The following MYO18B variants were observed in gnomAD, a reference collection of about 807,000 sequenced individuals.
The protein encoded by MYO18B is unconventional myosin-XVIIIb.
In MYO18B, 204 loss-of-function variants were observed where a neutral mutation model predicts 273.0. That is an observed-to-expected ratio of 0.75 (90% CI 0.67 to 0.84). The LOEUF (loss-of-function observed/expected upper bound fraction) is 0.84, where lower values mean the gene tolerates loss of function less well. Among genes scored for constraint, MYO18B ranks in the 40% least tolerant of loss-of-function variants. The pLI, the probability that MYO18B is intolerant of heterozygous loss-of-function variation, is 0.00. For missense variants in MYO18B, 3,212 were observed against 3,287.6 expected, an observed-to-expected ratio of 0.98 and a Z score of 0.56; for synonymous variants, 1,330 against 1,305.7, an observed-to-expected ratio of 1.02 and a Z score of -0.40.
chr22:25,948,843 G>A (rs1302590481), intron 36 of MYO18B, among the ~76,000 whole-genome samples: 1 of 152,034 alleles, frequency 6.6e-6, no homozygotes, highest in African/African-American at 2.4e-5. Context: ...GACCTAGGTT[G>A]GGAGTCAGGA....
chr22:26,025,140 C>T (rs1936142269), intron 42 of MYO18B, among the ~76,000 whole-genome samples: 1 of 152,144 alleles, frequency 6.6e-6, no homozygotes, highest in South Asian at 2.1e-4. Flanking sequence ...TCGGGGGAGA[C>T]AAACATTGAA....
At chr22:25,886,011 A>G (rs999407231) in intron 25 of MYO18B, among the ~76,000 whole-genome samples, 1 of 152,222 alleles carries the variant, frequency 6.6e-6, no homozygotes, top group Non-Finnish European at 1.5e-5. Context: ...ACCCGTATTC[A>G]TTGAGTCCTC....
At chr22:26,005,004 A>G in intron 42 of MYO18B, 149 bp downstream of exon 42, 1 of 935,070 alleles carries the variant, frequency 1.1e-6, no homozygotes, top group Non-Finnish European at 1.6e-6. Context: ...GCCACTTCCT[A>G]GCTGTGTGAC....
chr22:25,767,629 T>C (rs905552959), intron 3 of MYO18B, among the ~76,000 whole-genome samples: 1 of 152,198 alleles, frequency 6.6e-6, no homozygotes, highest in Non-Finnish European at 1.5e-5. Context: ...CCCTGAGTCC[T>C]TTCCTGGATC....
rs367814667 is a variant in MYO18B at position 25,760,918 on chromosome 22, A to T, written c.-109-66A>T. On this transcript the variant is annotated intron_variant, in intron 1 of 43. Transcript: ENST00000335473. ...GGTTTATGGCGTTGGTGGGGGTGGG[A>T]GTAGGGCTGTGCCCATGAGCTAACC... 192 of 693,760 alleles carry T rather than the reference A, an allele frequency of 2.8e-4. No individual in the cohort carries two copies. In the African/African-American group the frequency reaches 3.1e-3, roughly 11 times the overall value. The allele number at this position is 693,760 out of a possible 1,614,324, so 43.0% of individuals were successfully genotyped here.
intron 41 of MYO18B, among the ~76,000 whole-genome samples, chr22:26,004,410 C>T (rs907967432): frequency 1.3e-5 from 2 of 152,166 alleles, no homozygotes; most frequent in Non-Finnish European, 2.9e-5. Flanking sequence ...GAGTGTGTAT[C>T]TCCCCAAGGA....
intron 42 of MYO18B, among the ~76,000 whole-genome samples, chr22:26,009,493 G>T (rs1934710006): frequency 3.3e-5 from 5 of 152,092 alleles, no homozygotes; most frequent in Admixed American, 3.3e-4. Context: ...GTTGTTAATA[G>T]GTACCATCTT....
intron 35 of MYO18B, among the ~76,000 whole-genome samples, chr22:25,947,460 G>C (rs1285045486): frequency 7.7e-6 from 1 of 129,406 alleles, no homozygotes; most frequent in African/African-American, 2.9e-5. Flanking sequence ...CATACACCCT[G>C]AATTCATAGT....
chr22:25,939,916 G>T (rs1239498024), intron 34 of MYO18B, among the ~76,000 whole-genome samples: 2 of 152,158 alleles, frequency 1.3e-5, no homozygotes, highest in Non-Finnish European at 2.9e-5. Flanking sequence ...CAACAGGAAT[G>T]GTTGTTGACC....
the MYO18B span, among the ~76,000 whole-genome samples, chr22:26,051,307 T>A: frequency 7.3e-6 from 1 of 137,402 alleles, no homozygotes; most frequent in Admixed American, 8.2e-5. Flanking sequence ...CACCGCAAGC[T>A]CCACCTCCCG....
intron 42 of MYO18B, among the ~76,000 whole-genome samples, chr22:26,011,537 G>A (rs1243520626): frequency 4.6e-5 from 7 of 152,220 alleles, no homozygotes; most frequent in African/African-American, 1.7e-4. Context: ...TGAACTACAG[G>A]AATGGGCAAG....
At chr22:25,792,537 C>A (rs2087724448) in intron 11 of MYO18B, among the ~76,000 whole-genome samples, 1 of 125,240 alleles carries the variant, frequency 8.0e-6, no homozygotes, top group African/African-American at 3.0e-5. Context: ...GCTCTGTGCC[C>A]AGGCTGGAGT....
At position 25,823,935 on chromosome 22, in the gene MYO18B, C is replaced by T. The variant is rs918177806; in HGVS notation, c.2695+257C>T. Among the ~76,000 whole-genome samples, 16 of 152,254 alleles carry T rather than the reference C, an allele frequency of 1.1e-4. No homozygotes were observed. The South Asian group carries it at 2.5e-3, about 24-fold the overall frequency. On this transcript the variant is annotated intron_variant, in intron 13 of 43. Transcript: ENST00000335473. ...GCCCCGCGCTGTGGGGAGGGGATGC[C>T]GTGGGCAGGGCCGATGGACCAATGC...
rs776608247 is a variant in MYO18B, at chr22:25,952,331, G to A, written c.5878G>A (p.Val1960Met). The A allele has an allele frequency of 2.4e-5, 39 of 1,611,866 alleles. No individual in the cohort carries two copies. The East Asian group carries it at 3.3e-4, about 14-fold the overall frequency. The change falls in exon 38 of 44, where the codon GTG becomes ATG. Residue 1960 changes from valine to methionine, a missense_variant. Physicochemically the swap from Val to Met is conservative, Grantham distance 21 (BLOSUM62 1). Transcript: ENST00000335473. Reference protein sequence around the residue: ...MRIEYLEQSTVDRAIVSRQEA... With the variant: ...MRIEYLEQSTMDRAIVSRQEA... ...CATCGAGTACCTGGAACAGTCCACC[G>A]TGGATCGAGCCATCGTCAGCAGGCA...
rs529406096 is a variant in MYO18B at position 26,029,243 on chromosome 22, G to A, written c.*13-1200G>A. On this transcript the variant is annotated intron_variant, in intron 43 of 43. Coordinates refer to ENST00000335473, the MANE Select transcript of MYO18B (RefSeq NM_032608.7). ...ACTTGCTGCAGCTCAAGGCTCTGAT[G>A]GTCCAGCGACTGCACATGGCTCTCA... 9.8e-5 allele frequency among the ~76,000 whole-genome samples: 15 copies of A among 152,290 alleles called. No homozygotes were observed. The East Asian group carries it at 2.7e-3, about 27-fold the overall frequency.
rs1412139880 is a variant in MYO18B, at chr22:25,752,668, A to AT, written c.-109-8309dup. On this transcript the variant is annotated intron_variant, in intron 1 of 43. Coordinates refer to ENST00000335473, the MANE Select transcript of MYO18B (RefSeq NM_032608.7). Reference sequence around the variant, plus strand: ...ACTACACCTGGCTAATTAAAAAAAAATTTTTTTAGACATGGGGTTGAGAGG... The same window carrying AT: ...ACTACACCTGGCTAATTAAAAAAAAATTTTTTTTAGACATGGGGTTGAGAGG... 7.5e-3 allele frequency among the ~76,000 whole-genome samples: 1,141 copies of AT among 151,554 alleles called. 13 individuals carry two copies. The highest frequency in any genetic ancestry group is 8.6e-3 in the Admixed American group (131 of 15,266).
intron 5 of MYO18B, among the ~76,000 whole-genome samples, 156 bp downstream of exon 5, chr22:25,770,332 A>G (rs1197113378): frequency 6.6e-6 from 1 of 152,202 alleles, no homozygotes. Context: ...TGTCTTGATA[A>G]TGAGTTATTT....
At position 25,760,418 on chromosome 22, in the gene MYO18B, A is replaced by AC. The variant is rs2086268475; in HGVS notation, c.-109-566_-109-565insC. ...CAGAGCAAGACTCCATCTCAAAAAA[A>AC]AAAAAAAAAAAAAAAACACAAAAAC... On this transcript the variant is annotated intron_variant, in intron 1 of 43. Transcript: ENST00000335473. 2.7e-5 allele frequency among the ~76,000 whole-genome samples: 4 copies of AC among 148,460 alleles called. No individual in the cohort carries two copies. In the Admixed American group the frequency reaches 2.7e-4, roughly 10 times the overall value.
intron 1 of MYO18B, among the ~76,000 whole-genome samples, chr22:25,753,081 C>G (rs2085986838): frequency 7.3e-6 from 1 of 136,678 alleles, no homozygotes; most frequent in South Asian, 2.5e-4. Context: ...ACCCGAGCCC[C>G]CCACCACTGG....
Sources: gnomAD v4.1 joint callset for allele counts (sites outside exome capture counted in the v4.1 genomes callset) on GRCh38, gnomAD v4.1.1 for gene constraint, MANE v1.5 for transcripts, NCBI Gene and HGNC (gene_info 2026-07-23, HGNC 2026-07-21) for gene names.